PPFIA3: variants seen among roughly 807,000 people sequenced by gnomAD.
PPFIA3 encodes PPFI scaffold protein A3.
PPFIA3 carries 26 observed loss-of-function variants against 145.8 expected under a neutral mutation model. The observed-to-expected ratio is 0.18, with a 90% CI of 0.13 to 0.25. PPFIA3 has a LOEUF of 0.25. PPFIA3 is among the 10% of genes least tolerant of loss of function. PPFIA3 has a pLI of 1.00. For missense variants in PPFIA3, 1,008 were observed against 1,587.8 expected (o/e 0.63, Z 6.21); for synonymous variants, 645 against 661.4 (o/e 0.98, Z 0.38).
In PPFIA3 at chr19:49,130,882, G is replaced by A. The variant is rs2041061154; in HGVS notation, c.879+283G>A. On this transcript the variant is annotated intron_variant, in intron 7 of 29. Transcript: ENST00000334186. The surrounding 1 kb of genome is among the most constrained non-coding windows in gnomAD (Gnocchi z 4.5). ...AATGGATTTTTTTTTTCTTTTGTGAGGCAGAGTCTGGCTGTGTCGCCCAGG... is the reference window on the plus strand; with the variant it reads ...AATGGATTTTTTTTTTCTTTTGTGAAGCAGAGTCTGGCTGTGTCGCCCAGG... 6.6e-6 allele frequency among the ~76,000 whole-genome samples: 1 copy of A among 151,878 alleles called. No individual in the cohort carries two copies. Among genetic ancestry groups the A allele is most frequent in the South Asian group, 2.1e-4 (1 of 4,812 alleles).
Position 49,120,895 on chromosome 19 carries a change from C to T in PPFIA3, c.-16+1173C>T, listed in dbSNP as rs2040929361. 6.6e-6 allele frequency among the ~76,000 whole-genome samples: 1 copy of T among 152,182 alleles called. No individual in the cohort carries two copies. Among genetic ancestry groups the T allele is most frequent in the South Asian group, 2.1e-4 (1 of 4,834 alleles). On this transcript the variant is annotated intron_variant, in intron 1 of 29. Transcript: ENST00000334186. The surrounding 1 kb of genome is among the most constrained non-coding windows in gnomAD (Gnocchi z 4.6). ...ACCTCAGGCTCTCACCTTCCAATCC[C>T]CCATCATTTACCTCCACAAGGATTC... is the stretch of plus-strand genomic sequence containing the variant.
Position 49,134,624 on chromosome 19 carries a change from C to G in PPFIA3, c.1378-15C>G, listed in dbSNP as rs1378761856. The G allele has an allele frequency of 6.2e-7, 1 of 1,612,914 alleles. No homozygotes were observed. Among genetic ancestry groups the G allele is most frequent in the Non-Finnish European group, 8.5e-7 (1 of 1,179,510 alleles). On this transcript the variant is annotated splice_polypyrimidine_tract_variant and intron_variant, in intron 11 of 29. Coordinates refer to ENST00000334186, the MANE Select transcript of PPFIA3 (RefSeq NM_003660.4). ...CCTCAGGCCTCACTCCCTCACTTCA[C>G]CTCTGTCTCCACAGAACTCCCTGAG...
At position 49,149,603 on chromosome 19, in the gene PPFIA3, G is replaced by A; in HGVS notation, c.3411G>A (p.Lys1137=). The A allele has an allele frequency of 6.2e-7, 1 of 1,614,202 alleles. No homozygotes were observed. Among genetic ancestry groups the A allele is most frequent in the East Asian group, 2.2e-5 (1 of 44,874 alleles). Residue 1137 remains lysine, a synonymous_variant, in exon 28 of 30, where the codon AAG becomes AAA. Coordinates refer to ENST00000334186, the MANE Select transcript of PPFIA3 (RefSeq NM_003660.4). The surrounding 1 kb of genome is among the most constrained non-coding windows in gnomAD (Gnocchi z 5.7). The stretch of plus-strand genomic sequence containing the variant: ...CCTGGCGGAAGATGTTCCGGGAGAA[G>A]GACCTCCGAGGCGTAACTCCCGACT... ...SPSWRKMFRE[K]DLRGVTPDSA...
intron 21 of PPFIA3, chr19:49,145,611 T>C: frequency 5.5e-6 from 2 of 364,548 alleles, no homozygotes; most frequent in Non-Finnish European, 1.0e-5. Context: ...CCCTAAACAT[T>C]TGCACCATGG....
chr19:49,141,431 T>G lies in PPFIA3; in HGVS notation c.2380T>G (p.Ser794Ala), dbSNP rs961294583. The G allele has an allele frequency of 6.2e-7, 1 of 1,613,728 alleles. No homozygotes were observed. The highest frequency in any genetic ancestry group is 8.5e-7 in the Non-Finnish European group (1 of 1,179,884). ...RDSSSLAGTPSDETLATDPLG... is the reference protein window; with the variant it reads ...RDSSSLAGTPADETLATDPLG... ...CTCCCTGCCTCCAGCTGGAACACCCTCAGATGAGACACTGGCCACTGACCC... is the reference window on the plus strand; with the variant it reads ...CTCCCTGCCTCCAGCTGGAACACCCGCAGATGAGACACTGGCCACTGACCC... Residue 794 changes from serine (S) to alanine (A), a missense_variant, in exon 19 of 30, where the codon TCA becomes GCA. Around this residue, in one of 11 missense-constraint regions of PPFIA3, gnomAD observed 202 missense variants for 241.8 expected, o/e 0.84. Transcript: ENST00000334186.
chr19:49,128,709 C>G lies in PPFIA3; in HGVS notation c.343-139C>G. 1 of 940,232 alleles carries G rather than the reference C, an allele frequency of 1.1e-6. No individual in the cohort carries two copies. The allele number at this position is 940,232 out of a possible 1,614,324, so 58.2% of individuals were successfully genotyped here. ...CGGTTCCTTGACCCCGACCTCCTCT[C>G]TTTTCCTGACCTGTCTCGGTGCTCC... On this transcript the variant is annotated intron_variant, in intron 3 of 29. Transcript: ENST00000334186. The surrounding 1 kb of genome is among the most constrained non-coding windows in gnomAD (Gnocchi z 4.1).
chr19:49,137,082 G>A, intron 15 of PPFIA3, 171 bp downstream of exon 15: 1 of 576,962 alleles, frequency 1.7e-6, no homozygotes, highest in Non-Finnish European at 2.8e-6. Context: ...GATACACTCA[G>A]AAGTCTTCTA....
chr19:49,123,526 C>G (rs996843454), intron 1 of PPFIA3, among the ~76,000 whole-genome samples: 1 of 151,580 alleles, frequency 6.6e-6, no homozygotes, highest in Non-Finnish European at 1.5e-5. Context: ...CTGCAACCTC[C>G]GCCTCCCGTG....
intron 16 of PPFIA3, 56 bp downstream of exon 16, chr19:49,138,483 A>AGGGCT: frequency 7.2e-7 from 1 of 1,395,560 alleles, no homozygotes; most frequent in Non-Finnish European, 9.5e-7. Context: ...GGTCAGAGGC[A>AGGGCT]GGGCTCCCCA....
At chr19:49,142,388 GTC>G (rs745743352) in intron 20 of PPFIA3, among the ~76,000 whole-genome samples, 90 of 152,150 alleles carry the variant, frequency 5.9e-4, no homozygotes, top group Admixed American at 2.8e-3. Context: ...TGGATTCTCT[GTC>G]TCTATTTTTC....
chr19:49,132,913 G>C, intron 7 of PPFIA3, 88 bp from the exon 8 acceptor site: 1 of 1,522,082 alleles, frequency 6.6e-7, no homozygotes, highest in Non-Finnish European at 8.9e-7. Flanking sequence ...TCCCATGTCA[G>C]GGCACTTTGT....
At chr19:49,122,711 G>GTTTTTTT (rs1568432311) in intron 1 of PPFIA3, among the ~76,000 whole-genome samples, 1 of 116,956 alleles carries the variant, frequency 8.6e-6, no homozygotes, top group Non-Finnish European at 1.8e-5. Context: ...TTGTTGTTTA[G>GTTTTTTT]TTGTTTTTTT....
intron 1 of PPFIA3, among the ~76,000 whole-genome samples, chr19:49,124,173 T>A (rs1374543688): frequency 4.6e-5 from 7 of 152,138 alleles, no homozygotes; most frequent in African/African-American, 1.4e-4. Context: ...ATTAAATTTT[T>A]AAAAAATCTA....
chr19:49,141,649 G>A (rs1224600476), intron 19 of PPFIA3, 136 bp downstream of exon 19: 2 of 614,658 alleles, frequency 3.3e-6, no homozygotes, highest in Admixed American at 3.5e-5. Context: ...TGCAGCGGTG[G>A]TGGTGGTGAA....
chr19:49,142,544 T>TCTCTCTTTCTCTCTCC (rs2041235642), intron 20 of PPFIA3, among the ~76,000 whole-genome samples: 1 of 148,022 alleles, frequency 6.8e-6, no homozygotes, highest in Admixed American at 6.8e-5. Context: ...TTTCTCTCTC[T>TCTCTCTTTCTCTCTCC]CTCTCTTTCT....
intron 15 of PPFIA3, among the ~76,000 whole-genome samples, chr19:49,137,578 C>G (rs7259991): frequency 2.2e-5 from 3 of 137,832 alleles, no homozygotes; most frequent in African/African-American, 7.9e-5. Context: ...TGCAGTGAGC[C>G]GAGATAGTGC....
At chr19:49,125,731 G>A (rs928994355) in intron 1 of PPFIA3, among the ~76,000 whole-genome samples, 4 of 152,090 alleles carry the variant, frequency 2.6e-5, no homozygotes, top group African/African-American at 9.7e-5. Context: ...TCTCTTAGGG[G>A]AGGAGAGGGG....
Position 49,148,706 on chromosome 19 carries a change from A to C in PPFIA3, c.3052A>C (p.Asn1018His). Reference protein sequence around the residue: ...HYGIMCLKRLNYDRKDLERRR... With the variant: ...HYGIMCLKRLHYDRKDLERRR... The stretch of plus-strand genomic sequence containing the variant: ...TGGGATTATGTGCCTGAAACGGCTC[A>C]ACTATGACCGGAAGGACCTGGAGCG... Residue 1018 changes from asparagine (N) to histidine (H), a missense_variant, in exon 25 of 30, where the codon AAC becomes CAC. Around this residue, in one of 11 missense-constraint regions of PPFIA3, gnomAD observed 154 missense variants for 369.2 expected, o/e 0.42. Coordinates refer to ENST00000334186, the MANE Select transcript of PPFIA3 (RefSeq NM_003660.4). The C allele has an allele frequency of 6.2e-6, 10 of 1,614,148 alleles. No homozygotes were observed. The highest frequency in any genetic ancestry group is 8.5e-6 in the Non-Finnish European group (10 of 1,179,998).
In PPFIA3 at chr19:49,138,415, C is replaced by A; in HGVS notation, c.2064C>A (p.Gly688=). The A allele has an allele frequency of 1.3e-6, 2 of 1,548,030 alleles. No homozygotes were observed. Among genetic ancestry groups the A allele is most frequent in the South Asian group, 2.4e-5 (2 of 82,262 alleles). ...CACCCCCTAGCCCTGCCCGTGAGGG[C>A]ACCGACAAGGCTGTGAGTGCTCTGA... The part of the protein sequence containing the change: ...RLAPPSPARE[G]TDKANHVPKE... The change falls in exon 16 of 30, where the codon GGC becomes GGA. Residue 688 remains glycine (G), a synonymous_variant. Transcript: ENST00000334186.
Sources: gnomAD v4.1 joint callset for allele counts (sites outside exome capture counted in the v4.1 genomes callset) on GRCh38, gnomAD v4.1.1 for gene constraint, gnomAD v4.1.1 regional missense constraint, Gnocchi (gnomAD v3.1) non-coding constraint, MANE v1.5 for transcripts, NCBI Gene and HGNC (gene_info 2026-07-23, HGNC 2026-07-21) for gene names.